Variants in WWOX observed in about 807,000 individuals in gnomAD.
WWOX encodes WW domain containing oxidoreductase, also known as WW domain-containing oxidoreductase.
A neutral mutation model predicts 46.2 loss-of-function variants in WWOX; 69 were observed. That is an observed-to-expected ratio of 1.49 (90% CI 1.23 to 1.82). The LOEUF (loss-of-function observed/expected upper bound fraction) is 1.82. Ranked by LOEUF, WWOX falls within the 40% of genes most tolerant of loss-of-function variation. WWOX has a pLI of 0.00. For synonymous variants in WWOX, 359 were observed against 202.6 expected (o/e 1.77, Z -6.56); for missense variants, 919 against 542.6 (o/e 1.69, Z -6.89).
intron 8 of WWOX, among the ~76,000 whole-genome samples, chr16:78,998,186 A>G (rs554752399): frequency 2.2e-4 from 34 of 152,238 alleles, no homozygotes; most frequent in African/African-American, 7.9e-4. Context: ...CTAGCCTCCA[A>G]CATTCTTTAA....
At chr16:79,120,612 C>T (rs2049609760) in intron 8 of WWOX, among the ~76,000 whole-genome samples, 2 of 152,306 alleles carry the variant, frequency 1.3e-5, no homozygotes, top group South Asian at 2.1e-4. Context: ...ATTGACACTG[C>T]TTCTGGGGAC....
chr16:78,144,997 C>T (rs1434227909), intron 4 of WWOX, among the ~76,000 whole-genome samples: 2 of 152,106 alleles, frequency 1.3e-5, no homozygotes, highest in Non-Finnish European at 2.9e-5. Flanking sequence ...TTGAGGTTCA[C>T]AGAAGTTAAG....
intron 8 of WWOX, among the ~76,000 whole-genome samples, chr16:78,952,501 G>A (rs1366710600): frequency 6.6e-6 from 1 of 151,210 alleles, no homozygotes; most frequent in Admixed American, 6.6e-5. Flanking sequence ...TCCTGCCTCT[G>A]CCTCCTGAGT....
intron 6 of WWOX, among the ~76,000 whole-genome samples, chr16:78,398,810 C>G (rs372309445): frequency 6.6e-6 from 1 of 152,168 alleles, no homozygotes; most frequent in African/African-American, 2.4e-5. Context: ...TGAGAGGATT[C>G]AATAACTGAA....
At chr16:79,200,422 G>C (rs1188257812) in intron 8 of WWOX, among the ~76,000 whole-genome samples, 1 of 152,142 alleles carries the variant, frequency 6.6e-6, no homozygotes, top group Non-Finnish European at 1.5e-5. Context: ...AAGAATATGG[G>C]TTTTGAACCC....
At chr16:78,894,590 T>TA (rs1226524509) in intron 8 of WWOX, among the ~76,000 whole-genome samples, 1 of 152,220 alleles carries the variant, frequency 6.6e-6, no homozygotes, top group African/African-American at 2.4e-5. Context: ...TCTTCTTTTT[T>TA]ATTCCATGAA....
intron 8 of WWOX, among the ~76,000 whole-genome samples, chr16:78,535,866 A>T (rs1234258907): frequency 6.6e-6 from 1 of 152,146 alleles, no homozygotes; most frequent in African/African-American, 2.4e-5. Flanking sequence ...CAAGGGGTTT[A>T]GGCTTTCTTG....
At chr16:78,689,571 A>G (rs115521698) in intron 8 of WWOX, among the ~76,000 whole-genome samples, 1,718 of 151,788 alleles carry the variant, frequency 0.011, 37 homozygotes, top group African/African-American at 0.039. Flanking sequence ...GAATCCCTTC[A>G]CCCTTCATGT....
chr16:78,751,461 T>A lies in WWOX; in HGVS notation c.1056+318709T>A, dbSNP rs371235411. Reference sequence around the variant, plus strand: ...AGATTATATATATATTTATCAGATTTTATATATATATATATATATATATAT... The same window carrying A: ...AGATTATATATATATTTATCAGATTATATATATATATATATATATATATAT... On this transcript the variant is annotated intron_variant, in intron 8 of 8. Coordinates refer to ENST00000566780, the MANE Select transcript of WWOX (RefSeq NM_016373.4). 2.2e-3 allele frequency among the ~76,000 whole-genome samples: 278 copies of A among 128,432 alleles called. 3 individuals are homozygous for A. The highest frequency in any genetic ancestry group is 7.1e-3 in the African/African-American group (237 of 33,448). 84.3% of individuals were successfully genotyped at this position (128,432 alleles called of 152,430 possible). A position where few individuals can be genotyped will look rare whatever the true frequency, so the allele number is the denominator to read the frequency against.
At chr16:78,452,916 A>G (rs561404240) in intron 8 of WWOX, among the ~76,000 whole-genome samples, 1 of 142,170 alleles carries the variant, frequency 7.0e-6, no homozygotes, top group Non-Finnish European at 1.5e-5. Context: ...TCTGTTGCCC[A>G]GGCTAAAGTA....
intron 8 of WWOX, among the ~76,000 whole-genome samples, chr16:78,840,430 C>G (rs986402594): frequency 1.3e-5 from 2 of 152,186 alleles, no homozygotes; most frequent in Non-Finnish European, 2.9e-5. Context: ...GTCCTCTTGC[C>G]TCTGCAGCAC....
chr16:79,105,797 A>C (rs2049297143), intron 8 of WWOX, among the ~76,000 whole-genome samples: 1 of 151,842 alleles, frequency 6.6e-6, no homozygotes, highest in Non-Finnish European at 1.5e-5. Flanking sequence ...CAAATACCTG[A>C]GACTACAGGC....
At chr16:78,293,959 A>G (rs1001070880) in intron 5 of WWOX, among the ~76,000 whole-genome samples, 5 of 128,288 alleles carry the variant, frequency 3.9e-5, no homozygotes, top group African/African-American at 8.7e-5. Context: ...CCTGGGCGAC[A>G]GAGTGAGACT....
intron 8 of WWOX, among the ~76,000 whole-genome samples, chr16:79,128,461 C>T (rs527498398): frequency 6.6e-6 from 1 of 152,204 alleles, no homozygotes; most frequent in East Asian, 1.9e-4. Flanking sequence ...TATCATCCCC[C>T]TGTTACAGGT....
intron 5 of WWOX, among the ~76,000 whole-genome samples, chr16:78,366,282 A>G (rs934476356): frequency 2.0e-5 from 3 of 152,216 alleles, no homozygotes; most frequent in South Asian, 2.1e-4. Context: ...AGATTATTTA[A>G]TAGAAGACAC....
intron 8 of WWOX, among the ~76,000 whole-genome samples, chr16:78,543,300 CGTGGCCCTGAA>C (rs987303707): frequency 1.6e-5 from 2 of 126,284 alleles, no homozygotes; most frequent in Non-Finnish European, 3.7e-5. Flanking sequence ...AGGCCAGTCA[CGTGGCCCTGAA>C]GAGGGTGGGA....
chr16:78,822,048 A>G (rs934229799), intron 8 of WWOX, among the ~76,000 whole-genome samples: 1 of 152,076 alleles, frequency 6.6e-6, no homozygotes, highest in Admixed American at 6.6e-5. Context: ...AGCTATTTTT[A>G]AAATTTCCTG....
intron 8 of WWOX, among the ~76,000 whole-genome samples, chr16:79,037,589 C>T (rs1400085235): frequency 6.6e-6 from 1 of 152,180 alleles, no homozygotes; most frequent in Non-Finnish European, 1.5e-5. Context: ...TCTACAACTG[C>T]ACCCTGCTAC....
intron 8 of WWOX, among the ~76,000 whole-genome samples, chr16:79,158,542 C>A (rs750129406): frequency 7.9e-5 from 12 of 152,208 alleles, no homozygotes; most frequent in East Asian, 7.7e-4. Context: ...TAATCTGACC[C>A]TTTCCACATA....
Sources: allele counts gnomAD v4.1 joint callset (sites outside exome capture counted in the v4.1 genomes callset), GRCh38; gene constraint gnomAD v4.1.1; transcripts MANE v1.5; gene names NCBI Gene and HGNC (gene_info 2026-07-23, HGNC 2026-07-21).